LAMA5: variants seen among roughly 807,000 people sequenced by gnomAD.
The protein encoded by LAMA5 is laminin subunit alpha-5.
LAMA5 carries 260 observed loss-of-function variants against 433.4 expected under a neutral mutation model. The observed-to-expected ratio is 0.60, with a 90% CI of 0.54 to 0.66. The LOEUF (loss-of-function observed/expected upper bound fraction) is 0.66, where lower values mean the gene tolerates loss of function less well. LAMA5 is among the 30% of genes least tolerant of loss of function. The pLI is 0.00. For synonymous variants in LAMA5, 2,620 were observed against 2,226.6 expected (o/e 1.18, Z -4.97); for missense variants, 5,378 against 5,258.5 (o/e 1.02, Z -0.70).
chr20:62,351,565 G>A (rs1346769864), intron 6 of LAMA5, 139 bp downstream of exon 6: 7 of 763,958 alleles, frequency 9.2e-6, no homozygotes, highest in Non-Finnish European at 1.3e-5. Context: ...GGTGGTCAGT[G>A]CAGGTCACAC....
intron 2 of LAMA5, among the ~76,000 whole-genome samples, chr20:62,357,782 G>A (rs1985462369): frequency 1.3e-5 from 2 of 152,356 alleles, no homozygotes; most frequent in Admixed American, 6.5e-5. Context: ...CGGGGGGACA[G>A]GAGCTCCCCA....
chr20:62,366,245 T>C (rs1449197968), intron 1 of LAMA5, among the ~76,000 whole-genome samples: 1 of 152,182 alleles, frequency 6.6e-6, no homozygotes, highest in Non-Finnish European at 1.5e-5. Flanking sequence ...GAGGTGTCCA[T>C]GCATGGAGTC....
At position 62,310,173 on chromosome 20, in the gene LAMA5, C is replaced by T. The variant is rs887615575; in HGVS notation, c.10734+5G>A. 5.0e-6 allele frequency: 8 copies of T among 1,612,406 alleles called. No individual in the cohort carries two copies. The highest frequency in any genetic ancestry group is 5.1e-6 in the Non-Finnish European group (6 of 1,179,966). On this transcript the variant is annotated splice_donor_5th_base_variant and intron_variant, in intron 77 of 79. Transcript: ENST00000252999. ...GCCCTGGCACGCCACCTCTGCCAGG[C>T]TTACTTGCTTCTCGGTCACCTGCAA...
chr20:62,334,263 C>A lies in LAMA5; in HGVS notation c.2662G>T (p.Ala888Ser), dbSNP rs775834837. ...LEEAATPEGH[A>S]VRFGFNPLEF... is the part of the protein sequence containing the mutation. ...AGGGGGTTGAAGCCAAAGCGCACGGCGTGACCCTCAGGTGTGGCAGCCTCC... is the reference window on the plus strand; with the variant it reads ...AGGGGGTTGAAGCCAAAGCGCACGGAGTGACCCTCAGGTGTGGCAGCCTCC... The change falls in exon 22 of 80, where the codon GCC becomes TCC. Residue 888 changes from alanine (A) to serine (S), a missense_variant. Physicochemically the swap from Ala to Ser is moderately conservative, Grantham distance 99 (BLOSUM62 1). Transcript: ENST00000252999. The A allele has an allele frequency of 1.9e-6, 3 of 1,612,550 alleles. No homozygotes were observed. In the African/African-American group the frequency reaches 4.0e-5, roughly 22 times the overall value.
intron 11 of LAMA5, among the ~76,000 whole-genome samples, chr20:62,342,827 C>A (rs1038120735): frequency 1.3e-5 from 2 of 152,236 alleles, no homozygotes; most frequent in Middle Eastern, 3.4e-3. Flanking sequence ...GATGATTTCC[C>A]AAGTATTTTA....
rs1193002852 is a variant in LAMA5, at chr20:62,325,484, C to T, written c.5361G>A (p.Leu1787=). 3.1e-6 allele frequency: 5 copies of T among 1,612,834 alleles called. No homozygotes were observed. In the East Asian group the frequency reaches 6.7e-5, roughly 22 times the overall value. The change falls in exon 41 of 80, where the codon CTG becomes CTA. Residue 1787 remains leucine, a synonymous_variant. Transcript: ENST00000252999. ...TVSREELMMV[L]ASLEQLQIRA... ...GGATCTGCAGCTGCTCCAGGCTGGCCAGCACCATCATGAGCTCCTCGCGGG... is the reference window on the plus strand; with the variant it reads ...GGATCTGCAGCTGCTCCAGGCTGGCTAGCACCATCATGAGCTCCTCGCGGG...
intron 50 of LAMA5, among the ~76,000 whole-genome samples, chr20:62,320,056 C>T (rs1344950086): frequency 6.6e-6 from 1 of 152,078 alleles, no homozygotes; most frequent in African/African-American, 2.4e-5. Context: ...CAGTGGCTCA[C>T]GTCTGTAATC....
Position 62,354,867 on chromosome 20 carries a change from G to C in LAMA5, c.451-1616C>G, listed in dbSNP as rs370500076. Among the ~76,000 whole-genome samples the C allele has an allele frequency of 7.2e-5, 11 of 152,330 alleles. No homozygotes were observed. In the East Asian group the frequency reaches 2.1e-3, roughly 29 times the overall value. On this transcript the variant is annotated intron_variant, in intron 2 of 79. Transcript: ENST00000252999. ...CTCCCCAGCCCCTCTCAAACAAAGGGGAAAGGGCTCTCCCAGGCAGAGGCT... is the reference window on the plus strand; with the variant it reads ...CTCCCCAGCCCCTCTCAAACAAAGGCGAAAGGGCTCTCCCAGGCAGAGGCT...
rs1983314698 is a variant in LAMA5, at chr20:62,346,073, G to C, written c.1417+8C>G. ...GTGTCTGTTTGGATGCCCCTGGCAG[G>C]TGCTCACGGTAGCAGCTTGGGAAGC... On this transcript the variant is annotated splice_region_variant and intron_variant, in intron 10 of 79. Transcript: ENST00000252999. The C allele has an allele frequency of 6.2e-7, 1 of 1,612,780 alleles. No homozygotes were observed. The highest frequency in any genetic ancestry group is 1.7e-5 in the Admixed American group (1 of 60,002).
rs148454178 is a variant in LAMA5, at chr20:62,324,652, C to T, written c.5530-98G>A. ...CAGACCCTCAGGGATCCTGCAGGCA[C>T]GAGGCACTGGGAACCCGTGGAGCAT... On this transcript the variant is annotated intron_variant, in intron 41 of 79. Coordinates refer to ENST00000252999, the MANE Select transcript of LAMA5 (RefSeq NM_005560.6). The surrounding 1 kb of genome is among the most constrained non-coding windows in gnomAD (Gnocchi z 4.4). The T allele has an allele frequency of 5.5e-4, 422 of 767,842 alleles. No individual in the cohort carries two copies. In the African/African-American group the frequency reaches 6.3e-3, roughly 11 times the overall value. 47.6% of individuals were successfully genotyped at this position (767,842 alleles called of 1,614,324 possible). A position where few individuals can be genotyped will look rare whatever the true frequency, so the allele number is the denominator to read the frequency against.
At position 62,315,307 on chromosome 20, in the gene LAMA5, C is replaced by T. The variant is rs553065403; in HGVS notation, c.7868-100G>A. On this transcript the variant is annotated intron_variant, in intron 58 of 79. Coordinates refer to ENST00000252999, the MANE Select transcript of LAMA5 (RefSeq NM_005560.6). ...TTGGGCCAGCAACAGGGACATCCAA[C>T]CCCCTATGGATCGTGTGAGACCCTC... 2.1e-5 allele frequency: 22 copies of T among 1,038,980 alleles called. 1 individual carries two copies. Among genetic ancestry groups the T allele is most frequent in the Admixed American group, 1.9e-4 (8 of 41,164 alleles). The allele number at this position is 1,038,980 out of a possible 1,614,324, so 64.4% of individuals were successfully genotyped here. A position where few individuals can be genotyped will look rare whatever the true frequency, so the allele number is the denominator to read the frequency against.
In LAMA5 at chr20:62,359,617, G is replaced by A. The variant is rs1985736038; in HGVS notation, c.450+2783C>T. Among the ~76,000 whole-genome samples, 1 of 152,102 alleles carries A rather than the reference G, an allele frequency of 6.6e-6. No individual in the cohort carries two copies. The highest frequency in any genetic ancestry group is 2.4e-5 in the African/African-American group (1 of 41,412). Reference sequence around the variant, plus strand: ...CCCCTAGAAGGACCCCCTGGGGAAGGTCACGTCTGGAACTCGGAAACTGCC... The same window carrying A: ...CCCCTAGAAGGACCCCCTGGGGAAGATCACGTCTGGAACTCGGAAACTGCC... On this transcript the variant is annotated intron_variant, in intron 2 of 79. Transcript: ENST00000252999. The surrounding 1 kb of genome is among the most constrained non-coding windows in gnomAD (Gnocchi z 4.3).
Position 62,327,176 on chromosome 20 carries a change from T to A in LAMA5, c.5112+57A>T. 8.4e-6 allele frequency: 12 copies of A among 1,431,850 alleles called. No homozygotes were observed. The South Asian group carries it at 1.6e-4, about 19-fold the overall frequency. The allele number at this position is 1,431,850 out of a possible 1,614,324, so 88.7% of individuals were successfully genotyped here. A position where few individuals can be genotyped will look rare whatever the true frequency, so the allele number is the denominator to read the frequency against. On this transcript the variant is annotated intron_variant, in intron 38 of 79. Transcript: ENST00000252999. Reference sequence around the variant, plus strand: ...AGACCCCGCTCCTGGCTCCCAACCCTCTCAGGCGTCCTGGCCATCCTCAAA... The same window carrying A: ...AGACCCCGCTCCTGGCTCCCAACCCACTCAGGCGTCCTGGCCATCCTCAAA...
In LAMA5 at chr20:62,310,694, G is replaced by T; in HGVS notation, c.10417C>A (p.Pro3473Thr). 1 of 1,602,368 alleles carries T rather than the reference G, an allele frequency of 6.2e-7. No individual in the cohort carries two copies. ...AGTTTGGAGCTGTGGCTGCTGGCCG[G>T]GAGGCCGCCCACAAAGAGGGTGTGG... ...QPHTLFVGGLPASSHSSKLPV... is the reference protein window; with the variant it reads ...QPHTLFVGGLTASSHSSKLPV... The change falls in exon 75 of 80, where the codon CCG (proline) becomes ACG (threonine). Residue 3473 changes from proline to threonine, a missense_variant. Transcript: ENST00000252999.
chr20:62,345,658 G>T, intron 11 of LAMA5, 160 bp downstream of exon 11: 1 of 646,302 alleles, frequency 1.5e-6, no homozygotes, highest in Non-Finnish European at 2.7e-6. Flanking sequence ...CTATATTTCC[G>T]AAGGTTTTCC....
intron 36 of LAMA5, 51 bp downstream of exon 36, chr20:62,327,815 A>G (rs768902026): frequency 6.3e-7 from 1 of 1,578,336 alleles, no homozygotes; most frequent in African/African-American, 1.3e-5. Flanking sequence ...GGACACTTTC[A>G]GCTGATGAGG....
intron 70 of LAMA5, 32 bp from the exon 71 acceptor site, chr20:62,311,816 TCCCCACCCTGCCCAC>T: frequency 1.3e-6 from 2 of 1,521,002 alleles, no homozygotes; most frequent in South Asian, 2.5e-5. Flanking sequence ...GCTCGGTTTT[TCCCCACCCTGCCCAC>T]CCCCACCTCA....
chr20:62,309,196 A>G lies in LAMA5; in HGVS notation c.*140T>C, dbSNP rs111432113. Reference sequence around the variant, plus strand: ...CAGTATTTTATTCTTTCGTTTAAGAAGCTATAACTTAAACCATCTTCAGAA... The same window carrying G: ...CAGTATTTTATTCTTTCGTTTAAGAGGCTATAACTTAAACCATCTTCAGAA... On this transcript the variant is annotated 3_prime_UTR_variant, in exon 80 of 80. Coordinates refer to ENST00000252999, the MANE Select transcript of LAMA5 (RefSeq NM_005560.6). 3 of 830,586 alleles carry G rather than the reference A, an allele frequency of 3.6e-6. No individual in the cohort carries two copies. The highest frequency in any genetic ancestry group is 5.3e-6 in the Non-Finnish European group (3 of 564,046). The allele number at this position is 830,586 out of a possible 1,614,324, so 51.5% of individuals were successfully genotyped here.
chr20:62,367,297 G>A lies in LAMA5; in HGVS notation c.-52C>T. ...AGCTCCAGGGACAGCGCGCGCGGCG[G>A]GAGCCCGGCGGGTCTGAAGCCAGGC... On this transcript the variant is annotated 5_prime_UTR_variant, in exon 1 of 80. Coordinates refer to ENST00000252999, the MANE Select transcript of LAMA5 (RefSeq NM_005560.6). 1.8e-6 allele frequency: 2 copies of A among 1,123,312 alleles called. No individual in the cohort carries two copies. The highest frequency in any genetic ancestry group is 1.6e-5 in the African/African-American group (1 of 60,680). 69.6% of individuals were successfully genotyped at this position (1,123,312 alleles called of 1,614,324 possible).
Sources: gnomAD v4.1 joint callset for allele counts (sites outside exome capture counted in the v4.1 genomes callset) on GRCh38, gnomAD v4.1.1 for gene constraint, Gnocchi (gnomAD v3.1) non-coding constraint, MANE v1.5 for transcripts, NCBI Gene and HGNC (gene_info 2026-07-23, HGNC 2026-07-21) for gene names.